TIAM2: variants seen among roughly 807,000 people sequenced by gnomAD.
TIAM2 encodes rho guanine nucleotide exchange factor TIAM2.
TIAM2 carries 80 observed loss-of-function variants against 152.9 expected under a neutral mutation model. The observed-to-expected ratio is 0.52, with a 90% CI of 0.44 to 0.63. The LOEUF (loss-of-function observed/expected upper bound fraction) is 0.63, where lower values mean the gene tolerates loss of function less well. Among genes scored for constraint, TIAM2 ranks in the 30% least tolerant of loss-of-function variants. The probability of loss-of-function intolerance (pLI) is 0.00; values close to 1 mark genes in which losing one functional copy is unlikely to be tolerated. For synonymous variants in TIAM2, 804 were observed against 838.0 expected (o/e 0.96, Z 0.70); for missense variants, 1,965 against 2,120.1 (o/e 0.93, Z 1.44).
chr6:155,127,580 A>C lies in TIAM2; in HGVS notation c.-27A>C, dbSNP rs78118493. 1 of 456,048 alleles carries C rather than the reference A, an allele frequency of 2.2e-6. No individual in the cohort carries two copies. Among genetic ancestry groups the C allele is most frequent in the East Asian group, 6.9e-5 (1 of 14,396 alleles). 28.3% of individuals were successfully genotyped at this position (456,048 alleles called of 1,614,324 possible). On this transcript the variant is annotated 5_prime_UTR_variant, in exon 3 of 27. Coordinates refer to ENST00000682666, the MANE Select transcript of TIAM2 (RefSeq NM_012454.4). ...AGCCTACTGACCACTAACCTCCCTC[A>C]CAGCAGAAACTAGACGTCAGGTAAA...
intron 1 of TIAM2, among the ~76,000 whole-genome samples, chr6:155,071,165 C>G (rs1777830237): frequency 1.4e-5 from 2 of 138,830 alleles, no homozygotes; most frequent in Non-Finnish European, 3.1e-5. Flanking sequence ...AGAAATGAGA[C>G]TCAGTGTCAA....
At chr6:155,023,659 C>T (rs929806854) in intron 1 of TIAM2, among the ~76,000 whole-genome samples, 1 of 152,052 alleles carries the variant, frequency 6.6e-6, no homozygotes, top group South Asian at 2.1e-4. Flanking sequence ...TCTTCTCTTG[C>T]GGGGAAAGGT....
At chr6:155,196,725 A>C (rs960778884) in intron 14 of TIAM2, among the ~76,000 whole-genome samples, 1 of 152,252 alleles carries the variant, frequency 6.6e-6, no homozygotes, top group Non-Finnish European at 1.5e-5. Context: ...ATAAATCAAT[A>C]GGCTTTGAAA....
intron 1 of TIAM2, among the ~76,000 whole-genome samples, chr6:155,052,597 C>G (rs1454760730): frequency 6.6e-6 from 1 of 151,944 alleles, no homozygotes; most frequent in Non-Finnish European, 1.5e-5. Context: ...GAAACCCTGT[C>G]ACTACTAAAA....
intron 2 of TIAM2, among the ~76,000 whole-genome samples, chr6:155,124,889 A>G (rs1326308652): frequency 9.4e-5 from 14 of 149,678 alleles, no homozygotes; most frequent in African/African-American, 3.0e-4. Flanking sequence ...TTTAAAATGT[A>G]TCTGCGTGGA....
intron 12 of TIAM2, 85 bp downstream of exon 12, chr6:155,179,541 C>A: frequency 8.0e-7 from 1 of 1,243,118 alleles, no homozygotes; most frequent in Non-Finnish European, 1.1e-6. Context: ...TTAATTTTTT[C>A]CCCTTACATT....
chr6:155,019,072 A>C (rs1020053427), intron 1 of TIAM2, among the ~76,000 whole-genome samples: 7 of 149,918 alleles, frequency 4.7e-5, no homozygotes, highest in African/African-American at 1.7e-4. Context: ...ACAGTGGCTC[A>C]TGCCTGTAAT....
Position 155,243,995 on chromosome 6 carries a change from T to G in TIAM2, c.3349-16T>G. On this transcript the variant is annotated splice_polypyrimidine_tract_variant and intron_variant, in intron 16 of 26. Coordinates refer to ENST00000682666, the MANE Select transcript of TIAM2 (RefSeq NM_012454.4). Reference sequence around the variant, plus strand: ...AGACTAAAGCGTTGAAGACACTTTCTTCTATTTTCTTTCAGGATTTGAGCT... The same window carrying G: ...AGACTAAAGCGTTGAAGACACTTTCGTCTATTTTCTTTCAGGATTTGAGCT... The G allele has an allele frequency of 6.2e-7, 1 of 1,613,684 alleles. No individual in the cohort carries two copies. Among genetic ancestry groups the G allele is most frequent in the Non-Finnish European group, 8.5e-7 (1 of 1,179,594 alleles).
intron 1 of TIAM2, among the ~76,000 whole-genome samples, chr6:155,000,891 C>T (rs906360042): frequency 5.3e-5 from 8 of 151,980 alleles, no homozygotes; most frequent in Admixed American, 2.0e-4. Flanking sequence ...GGTTGGGGCA[C>T]GAGAATTGCT....
chr6:155,036,981 G>A (rs115432858), intron 1 of TIAM2, among the ~76,000 whole-genome samples: 17 of 152,162 alleles, frequency 1.1e-4, no homozygotes, highest in Admixed American at 3.3e-4. Context: ...AGGGAATTTC[G>A]CCTTTGTCCT....
At chr6:155,080,457 G>A (rs1474428837) in intron 1 of TIAM2, among the ~76,000 whole-genome samples, 1 of 149,642 alleles carries the variant, frequency 6.7e-6, no homozygotes, top group African/African-American at 2.5e-5. Context: ...TTTTTTTCTG[G>A]GAGACAGAGT....
In TIAM2 at chr6:155,206,429, G is replaced by T. The variant is rs186659873; in HGVS notation, c.3065-4775G>T. On this transcript the variant is annotated intron_variant, in intron 14 of 26. Coordinates refer to ENST00000682666, the MANE Select transcript of TIAM2 (RefSeq NM_012454.4). ...TTTTTGTATTTTTAGTAGAGATGGG[G>T]TTTCACCATGTTAGCCAGGATGGTC... Among the ~76,000 whole-genome samples the T allele has an allele frequency of 1.9e-3, 282 of 152,230 alleles. 5 individuals carry two copies. The highest frequency in any genetic ancestry group is 6.4e-3 in the African/African-American group (264 of 41,550).
At chr6:155,229,069 T>C (rs1223656066) in intron 15 of TIAM2, among the ~76,000 whole-genome samples, 3 of 152,224 alleles carry the variant, frequency 2.0e-5, no homozygotes, top group Non-Finnish European at 2.9e-5. Flanking sequence ...CTCCTCCCTC[T>C]CTGACCATGA....
intron 1 of TIAM2, among the ~76,000 whole-genome samples, chr6:155,018,033 T>C (rs1204756082): frequency 6.6e-6 from 1 of 152,168 alleles, no homozygotes; most frequent in African/African-American, 2.4e-5. Context: ...ACGATTTTTA[T>C]ATTGTTTACA....
rs535726105 is a variant in TIAM2 at position 155,240,643 on chromosome 6, G to T, written c.3282G>T (p.Leu1094=). 51 of 1,614,044 alleles carry T rather than the reference G, an allele frequency of 3.2e-5. 1 individual carries two copies. The South Asian group carries it at 4.8e-4, about 15-fold the overall frequency. The change falls in exon 16 of 27, where the codon CTG becomes CTT. Residue 1094 remains leucine, a synonymous_variant. Coordinates refer to ENST00000682666, the MANE Select transcript of TIAM2 (RefSeq NM_012454.4). ...DPPPRSLARH[L]SDADRLRKVI... is the part of the protein sequence containing the mutation. ...CTCCGAGGTCTCTGGCCCGCCACCT[G>T]TCTGATGCAGACCGCCTCCGCAAAG...
At chr6:155,029,654 T>G (rs191878494) in intron 1 of TIAM2, among the ~76,000 whole-genome samples, 2 of 89,946 alleles carry the variant, frequency 2.2e-5, no homozygotes, top group Admixed American at 1.2e-4. Flanking sequence ...TAACTATATA[T>G]AGAGTTATAT....
At chr6:155,055,918 C>T (rs1024530965) in intron 1 of TIAM2, among the ~76,000 whole-genome samples, 6 of 151,734 alleles carry the variant, frequency 4.0e-5, no homozygotes, top group Non-Finnish European at 7.4e-5. Flanking sequence ...GATGTGATCA[C>T]GCCACTGCAC....
intron 16 of TIAM2, among the ~76,000 whole-genome samples, chr6:155,242,889 C>T (rs1235069223): frequency 7.1e-6 from 1 of 140,080 alleles, no homozygotes; most frequent in Admixed American, 7.5e-5. Flanking sequence ...GCACCCGCCA[C>T]CACACCCAGC....
intron 14 of TIAM2, among the ~76,000 whole-genome samples, chr6:155,190,380 A>G (rs1781168026): frequency 6.6e-6 from 1 of 152,204 alleles, no homozygotes; most frequent in African/African-American, 2.4e-5. Flanking sequence ...TGTAAAACCT[A>G]AGTCTTCCTC....
Sources: allele counts gnomAD v4.1 joint callset (sites outside exome capture counted in the v4.1 genomes callset), GRCh38; gene constraint gnomAD v4.1.1; transcripts MANE v1.5; gene names NCBI Gene and HGNC (gene_info 2026-07-23, HGNC 2026-07-21).